DSP: variants seen among roughly 807,000 people sequenced by gnomAD.
The protein encoded by DSP is desmoplakin.
Under a neutral mutation model 290.6 loss-of-function variants are expected in DSP, and 114 were observed. The observed-to-expected ratio is 0.39, with a 90% CI of 0.34 to 0.46. The LOEUF (loss-of-function observed/expected upper bound fraction) is 0.46, where lower values mean the gene tolerates loss of function less well. DSP is among the 20% of genes least tolerant of loss of function. The pLI is 0.99. For missense variants in DSP, 3,230 were observed against 3,495.8 expected, an observed-to-expected ratio of 0.92 and a Z score of 1.92; for synonymous variants, 1,311 against 1,316.4, an observed-to-expected ratio of 1.00 and a Z score of 0.09.
chr6:7,543,353 CATTT>C (rs1260787758), intron 1 of DSP, among the ~76,000 whole-genome samples: 1 of 140,902 alleles, frequency 7.1e-6, no homozygotes, highest in Admixed American at 7.0e-5. Context: ...TGCTTAGATT[CATTT>C]ATTTATTTAT....
At chr6:7,569,387 A>G in intron 12 of DSP, 47 bp downstream of exon 12, 1 of 1,613,922 alleles carries the variant, frequency 6.2e-7, no homozygotes, top group Non-Finnish European at 8.5e-7. Flanking sequence ...CATGAATGTG[A>G]GGGCAGAGGA....
At position 7,567,719 on chromosome 6, in the gene DSP, C is replaced by G; in HGVS notation, c.1141-62C>G. On this transcript the variant is annotated intron_variant, in intron 9 of 23. Transcript: ENST00000379802. ...AGGGATGACAATCCTTGAAACAGAA[C>G]TACTAGATGAAATTGCTCATTGAGT... The G allele has an allele frequency of 1.9e-6, 3 of 1,608,914 alleles. No homozygotes were observed. In the Middle Eastern group the frequency reaches 5.0e-4, roughly 266 times the overall value.
At chr6:7,553,911 A>C (rs6913983) in intron 1 of DSP, among the ~76,000 whole-genome samples, 36,176 of 152,086 alleles carry the variant, frequency 0.24, 4,477 homozygotes, top group East Asian at 0.33. Context: ...CCTTGCCTGC[A>C]GGGAGGAACC....
Position 7,581,247 on chromosome 6 carries a change from A to T in DSP, c.5057A>T (p.Gln1686Leu), listed in dbSNP as rs573110383. The T allele has an allele frequency of 6.2e-7, 1 of 1,614,190 alleles. No individual in the cohort carries two copies. The highest frequency in any genetic ancestry group is 1.1e-5 in the South Asian group (1 of 91,090). Residue 1686 changes from glutamine (Q) to leucine (L), a missense_variant, in exon 23 of 24, where the codon CAG (glutamine) becomes CTG (leucine). Coordinates refer to ENST00000379802, the MANE Select transcript of DSP (RefSeq NM_004415.4). ...GCTCACTTGAGGAATGAGCATTTCC[A>T]GAAGGCGATAGAAGATAAAAGCAGA... Reference protein sequence around the residue: ...KQAHLRNEHFQKAIEDKSRSL... With the variant: ...KQAHLRNEHFLKAIEDKSRSL...
rs777268014 is a variant in DSP, at chr6:7,578,477, A to G, written c.2999A>G (p.His1000Arg). The change falls in exon 22 of 24, where the codon CAT becomes CGT. Residue 1000 changes from histidine to arginine, a missense_variant. Transcript: ENST00000379802. ...GVILQEAADV[H>R]ARYIELLTRS... ...CTTTTCTCCAAGGCTGCAGATGTTC[A>G]TGCTCGGTACATTGAACTACTTACA... 1.9e-6 allele frequency: 3 copies of G among 1,613,670 alleles called. No individual in the cohort carries two copies. Among genetic ancestry groups the G allele is most frequent in the Non-Finnish European group, 1.7e-6 (2 of 1,179,812 alleles).
chr6:7,548,764 G>A (rs1169223760), intron 1 of DSP, among the ~76,000 whole-genome samples: 1 of 152,230 alleles, frequency 6.6e-6, no homozygotes, highest in Non-Finnish European at 1.5e-5. Context: ...GAGTGGGAAT[G>A]GGGAGGGGAG....
At chr6:7,564,331 A>T (rs931414643) in intron 6 of DSP, among the ~76,000 whole-genome samples, 2 of 150,824 alleles carry the variant, frequency 1.3e-5, no homozygotes, top group Admixed American at 6.6e-5. Context: ...TTGATTCATA[A>T]GAGGAGAGAT....
At chr6:7,581,697 C>A in intron 23 of DSP, 128 bp downstream of exon 23, 1 of 1,286,224 alleles carries the variant, frequency 7.8e-7, no homozygotes, top group Non-Finnish European at 1.1e-6. Context: ...CTTTTTATTG[C>A]TCTACTACTT....
chr6:7,554,649 T>C (rs1561678458), intron 1 of DSP, among the ~76,000 whole-genome samples: 1 of 152,012 alleles, frequency 6.6e-6, no homozygotes, highest in Non-Finnish European at 1.5e-5. Flanking sequence ...AGAAAATATA[T>C]ATATATATTT....
intron 1 of DSP, among the ~76,000 whole-genome samples, chr6:7,543,865 G>GT (rs1353334858): frequency 6.6e-6 from 1 of 152,134 alleles, no homozygotes; most frequent in South Asian, 2.1e-4. Context: ...AAATTAAGTG[G>GT]TTAATGAACT....
chr6:7,566,185 C>CACATCCTCTCCTGTAGCAA (rs1758858905), intron 7 of DSP, among the ~76,000 whole-genome samples, 192 bp from the exon 8 acceptor site: 1 of 152,120 alleles, frequency 6.6e-6, no homozygotes, highest in Non-Finnish European at 1.5e-5. Context: ...AAGCCTCTGC[C>CACATCCTCTCCTGTAGCAA]ACATCCTCTC....
chr6:7,563,794 GATTT>G lies in DSP; in HGVS notation c.777+13_777+16del. On this transcript the variant is annotated intron_variant, in intron 6 of 23. Transcript: ENST00000379802. ...GAGTATGAAAACCTGCTGGTAAGCTGATTTATTTCTCAAGTGCATCGACTTTCTG... is the reference window on the plus strand; with the variant it reads ...GAGTATGAAAACCTGCTGGTAAGCTGATTTCTCAAGTGCATCGACTTTCTG... The G allele has an allele frequency of 6.2e-7, 1 of 1,612,656 alleles. No individual in the cohort carries two copies. The highest frequency in any genetic ancestry group is 8.5e-7 in the Non-Finnish European group (1 of 1,178,656).
At chr6:7,545,594 G>A (rs1190895791) in intron 1 of DSP, among the ~76,000 whole-genome samples, 2 of 152,196 alleles carry the variant, frequency 1.3e-5, no homozygotes, top group East Asian at 3.8e-4. Context: ...TGTCAGGGGA[G>A]ATCAAGGTGG....
Position 7,585,467 on chromosome 6 carries a change from T to C in DSP, c.8205T>C (p.Gly2735=). Residue 2735 remains glycine, a synonymous_variant, in exon 24 of 24, where the codon GGT becomes GGC. Transcript: ENST00000379802. ...RFLEFQYLTG[G]LVDPEVHGRI... is the part of the protein sequence containing the mutation. The stretch of plus-strand genomic sequence containing the variant: ...TGGAGTTCCAGTACCTCACGGGAGG[T>C]CTTGTTGACCCGGAAGTGCATGGGA... 1 of 1,613,290 alleles carries C rather than the reference T, an allele frequency of 6.2e-7. No individual in the cohort carries two copies. Among genetic ancestry groups the C allele is most frequent in the Non-Finnish European group, 8.5e-7 (1 of 1,179,836 alleles).
intron 10 of DSP, among the ~76,000 whole-genome samples, 159 bp downstream of exon 10, chr6:7,568,065 C>T (rs568166198): frequency 2.4e-4 from 37 of 152,340 alleles, no homozygotes; most frequent in African/African-American, 7.9e-4. Context: ...TCAAAATTAA[C>T]TTCTTTACAT....
chr6:7,542,032 G>A lies in DSP; in HGVS notation c.117G>A (p.Arg39=), dbSNP rs748578019. Residue 39 remains arginine (R), a synonymous_variant, in exon 1 of 24, where the codon AGG becomes AGA. Coordinates refer to ENST00000379802, the MANE Select transcript of DSP (RefSeq NM_004415.4). ...CCAGCGGCGGCGGGGGCACCAGCAGGATGTACTATTCTCGGCGCGGCGTGA... is the reference window on the plus strand; with the variant it reads ...CCAGCGGCGGCGGGGGCACCAGCAGAATGTACTATTCTCGGCGCGGCGTGA... ...EVTSGGGGTS[R]MYYSRRGVIT... 20 of 1,580,760 alleles carry A rather than the reference G, an allele frequency of 1.3e-5. No individual in the cohort carries two copies. The highest frequency in any genetic ancestry group is 1.6e-5 in the Non-Finnish European group (19 of 1,164,380).
In DSP at chr6:7,583,656, G is replaced by T; in HGVS notation, c.6394G>T (p.Gly2132Trp). 6.2e-7 allele frequency: 1 copy of T among 1,614,174 alleles called. No individual in the cohort carries two copies. The highest frequency in any genetic ancestry group is 8.5e-7 in the Non-Finnish European group (1 of 1,180,036). Residue 2132 changes from glycine (G) to tryptophan (W), a missense_variant, in exon 24 of 24, where the codon GGG becomes TGG. This residue lies in a region of DSP where 1,714 missense variants were observed against 1,844.5 expected (regional missense o/e 0.93). Coordinates refer to ENST00000379802, the MANE Select transcript of DSP (RefSeq NM_004415.4). This position sits in a 1 kb window ranked among gnomAD's most constrained non-coding sequence, Gnocchi z 4.0. ...CCTGCTGGAAGCCCAGATTGCTTCA[G>T]GGGGTGTAGTAGACCCTGTGAACAG... ...MRLLEAQIAS[G>W]GVVDPVNSVF...
rs760215987 is a variant in DSP at position 7,585,663 on chromosome 6, C to A, written c.8401C>A (p.Arg2801Ser). The A allele has an allele frequency of 6.2e-7, 1 of 1,614,118 alleles. No homozygotes were observed. Among genetic ancestry groups the A allele is most frequent in the East Asian group, 2.2e-5 (1 of 44,892 alleles). ...CATGGTAGAAGATATCACTGGGCTG[C>A]GCCTTCTGGAAGCCGCCTCCGTGTC... ...RSMVEDITGL[R>S]LLEAASVSSK... Residue 2801 changes from arginine (R) to serine (S), a missense_variant, in exon 24 of 24, where the codon CGC becomes AGC. Around this residue, in one of 5 missense-constraint regions of DSP, gnomAD observed 582 missense variants for 555.4 expected, o/e 1.05. Transcript: ENST00000379802.
intron 1 of DSP, among the ~76,000 whole-genome samples, chr6:7,554,042 G>A (rs1447201803): frequency 6.8e-6 from 1 of 148,012 alleles, no homozygotes; most frequent in South Asian, 2.1e-4. Context: ...ACCATTGTTT[G>A]TCAAACATTT....
Sources: gnomAD v4.1 joint callset for allele counts (sites outside exome capture counted in the v4.1 genomes callset) on GRCh38, gnomAD v4.1.1 for gene constraint, gnomAD v4.1.1 regional missense constraint, Gnocchi (gnomAD v3.1) non-coding constraint, MANE v1.5 for transcripts, NCBI Gene and HGNC (gene_info 2026-07-23, HGNC 2026-07-21) for gene names.